AP5M1: variants seen among roughly 807,000 people sequenced by gnomAD.
The protein encoded by AP5M1 is AP-5 complex subunit mu-1.
Under a neutral mutation model 52.3 loss-of-function variants are expected in AP5M1, and 44 were observed. The observed-to-expected ratio is 0.84, with a 90% CI of 0.66 to 1.08. The LOEUF (loss-of-function observed/expected upper bound fraction) is 1.08. AP5M1 is among the 50% of genes least tolerant of loss of function. The pLI is 0.00. For missense variants in AP5M1, 526 were observed against 568.4 expected (o/e 0.93, Z 0.76); for synonymous variants, 213 against 199.0 (o/e 1.07, Z -0.59).
At chr14:57,273,558 A>G (rs1884944046) in intron 1 of AP5M1, 2 of 524,916 alleles carry the variant, frequency 3.8e-6, no homozygotes, top group Non-Finnish European at 6.8e-6. Flanking sequence ...TCTGTTTCCA[A>G]GCAAAGAAAA....
chr14:57,288,866 T>C lies in AP5M1; in HGVS notation c.1455T>C (p.Tyr485=). The change falls in exon 8 of 8, where the codon TAT becomes TAC. Residue 485 remains tyrosine (Y), a synonymous_variant. Coordinates refer to ENST00000261558, the MANE Select transcript of AP5M1 (RefSeq NM_018229.4). ...WNSKAPAPVT[Y]GSLLL ...CTAAAGCCCCTGCTCCAGTAACATA[T>C]GGATCATTATTATTGTAATAGTCTC... is the stretch of plus-strand genomic sequence containing the variant. 6.4e-7 allele frequency: 1 copy of C among 1,556,568 alleles called. No individual in the cohort carries two copies. Among genetic ancestry groups the C allele is most frequent in the Admixed American group, 1.7e-5 (1 of 58,232 alleles).
Position 57,292,343 on chromosome 14 carries a change from G to C in AP5M1, c.*3459G>C, listed in dbSNP as rs1226958880. Reference sequence around the variant, plus strand: ...TCTAGGGTATTTCACTTAACTACCAGTTACCTCGTTCTGACAAAGTGCAAC... The same window carrying C: ...TCTAGGGTATTTCACTTAACTACCACTTACCTCGTTCTGACAAAGTGCAAC... On this transcript the variant is annotated 3_prime_UTR_variant, in exon 8 of 8. Transcript: ENST00000261558. The C allele has an allele frequency of 1.3e-5, 2 of 151,780 alleles. No homozygotes were observed. The highest frequency in any genetic ancestry group is 2.9e-5 in the Non-Finnish European group (2 of 67,812). 9.4% of individuals were successfully genotyped at this position (151,780 alleles called of 1,614,324 possible).
intron 6 of AP5M1, among the ~76,000 whole-genome samples, chr14:57,285,164 G>A (rs879399045): frequency 1.2e-4 from 19 of 152,160 alleles, no homozygotes; most frequent in Admixed American, 1.2e-3. Flanking sequence ...GGAAGTGGTA[G>A]TGAAGTCAGA....
Position 57,274,525 on chromosome 14 carries a change from G to C in AP5M1, c.356G>C (p.Arg119Pro), listed in dbSNP as rs767086450. The C allele has an allele frequency of 1.2e-5, 20 of 1,613,926 alleles. No homozygotes were observed. Among genetic ancestry groups the C allele is most frequent in the Middle Eastern group, 1.6e-4 (1 of 6,084 alleles). ...VPLVEQTLSPRPPLISVSGVS... is the reference protein window; with the variant it reads ...VPLVEQTLSPPPPLISVSGVS... ...CTAGTTGAACAAACTCTGTCCCCTC[G>C]TCCGCCACTAATTAGTGTCAGTGGA... Residue 119 changes from arginine to proline, a missense_variant, in exon 2 of 8, where the codon CGT becomes CCT. Around this residue, in one of 3 missense-constraint regions of AP5M1, gnomAD observed 425 missense variants for 430.6 expected, o/e 0.99. Transcript: ENST00000261558.
chr14:57,287,456 C>T (rs1378656363), intron 7 of AP5M1, among the ~76,000 whole-genome samples: 1 of 152,036 alleles, frequency 6.6e-6, no homozygotes, highest in African/African-American at 2.4e-5. Flanking sequence ...TTTTCTCTTA[C>T]ATCATTTTTT....
At chr14:57,272,406 GT>G (rs1427199116) in intron 1 of AP5M1, among the ~76,000 whole-genome samples, 1 of 152,120 alleles carries the variant, frequency 6.6e-6, no homozygotes, top group Non-Finnish European at 1.5e-5. Context: ...ACAAAACTTG[GT>G]TAAGATTCTG....
At position 57,298,283 on chromosome 14, in the gene AP5M1, G is replaced by A. The variant is rs999887196; in HGVS notation, c.*9399G>A. ...CCCCGTATACTAATGAAATGGAGTC[G>A]CCAGTATCCAAAAGTTCCAAGTGAT... is the stretch of plus-strand genomic sequence containing the variant. On this transcript the variant is annotated 3_prime_UTR_variant, in exon 8 of 8. Transcript: ENST00000261558. 5.9e-5 allele frequency: 9 copies of A among 152,152 alleles called. No homozygotes were observed. Among genetic ancestry groups the A allele is most frequent in the South Asian group, 2.1e-4 (1 of 4,822 alleles). 9.4% of individuals were successfully genotyped at this position (152,152 alleles called of 1,614,324 possible). A position where few individuals can be genotyped will look rare whatever the true frequency, so the allele number is the denominator to read the frequency against.
rs1481239590 is a variant in AP5M1, at chr14:57,294,099, CT to C, written c.*5217del. ...TGTATCTGTATCACTAGCTTCTTGC[CT>C]TATAAGCAGGATACTGCAAGGTCTG... On this transcript the variant is annotated 3_prime_UTR_variant, in exon 8 of 8. Coordinates refer to ENST00000261558, the MANE Select transcript of AP5M1 (RefSeq NM_018229.4). 6.6e-6 allele frequency: 1 copy of C among 151,754 alleles called. No homozygotes were observed. Among genetic ancestry groups the C allele is most frequent in the East Asian group, 1.9e-4 (1 of 5,180 alleles). 9.4% of individuals were successfully genotyped at this position (151,754 alleles called of 1,614,324 possible).
intron 1 of AP5M1, among the ~76,000 whole-genome samples, chr14:57,271,824 G>A (rs1410353028): frequency 6.6e-5 from 10 of 152,110 alleles, no homozygotes; most frequent in Admixed American, 6.5e-4. Flanking sequence ...TCCATCTTTG[G>A]ATATGATGTT....
intron 2 of AP5M1, among the ~76,000 whole-genome samples, chr14:57,277,680 G>A (rs983487933): frequency 7.0e-6 from 1 of 143,222 alleles, no homozygotes; most frequent in African/African-American, 2.9e-5. Context: ...GATACATAAT[G>A]AATTCCCACA....
In AP5M1 at chr14:57,269,094, G is replaced by C. The variant is rs1236193582; in HGVS notation, c.-221G>C. ...GGTAAATTTCTCAAGGTTATAGGTTGGGGTTCTTAGAACTTTTTGTGGTGT... is the reference window on the plus strand; with the variant it reads ...GGTAAATTTCTCAAGGTTATAGGTTCGGGTTCTTAGAACTTTTTGTGGTGT... On this transcript the variant is annotated 5_prime_UTR_variant, in exon 1 of 8. Coordinates refer to ENST00000261558, the MANE Select transcript of AP5M1 (RefSeq NM_018229.4). 1 of 581,298 alleles carries C rather than the reference G, an allele frequency of 1.7e-6. No individual in the cohort carries two copies. The highest frequency in any genetic ancestry group is 2.9e-5 in the East Asian group (1 of 34,852). 36.0% of individuals were successfully genotyped at this position (581,298 alleles called of 1,614,324 possible).
In AP5M1 at chr14:57,283,003, A is replaced by G. The variant is rs1885220031; in HGVS notation, c.1158A>G (p.Leu386=). The G allele has an allele frequency of 6.3e-7, 1 of 1,598,502 alleles. No individual in the cohort carries two copies. The highest frequency in any genetic ancestry group is 2.2e-5 in the East Asian group (1 of 44,574). Residue 386 remains leucine, a synonymous_variant, in exon 5 of 8, where the codon TTA becomes TTG. Coordinates refer to ENST00000261558, the MANE Select transcript of AP5M1 (RefSeq NM_018229.4). ...TTGAAGTATTTCGAGAGAAAAGCTT[A>G]TTGATCTGGATTATTGGTGAGCAAG... ...GQLEVFREKS[L]LIWIIGQKFP...
Position 57,274,298 on chromosome 14 carries a change from GCCTGTT to G in AP5M1, c.134_139del (p.Val45_Pro46del). ...GAGTCTTCAATGGAGCAAGTTATGTGCCTGTTCCTGAAGATGGTCCCTTTCTTAAAG... is the reference window on the plus strand; with the variant it reads ...GAGTCTTCAATGGAGCAAGTTATGTGCCTGAAGATGGTCCCTTTCTTAAAG... On this transcript the variant is annotated inframe_deletion, in exon 2 of 8. Coordinates refer to ENST00000261558, the MANE Select transcript of AP5M1 (RefSeq NM_018229.4). 6.2e-7 allele frequency: 1 copy of G among 1,614,140 alleles called. No individual in the cohort carries two copies. Among genetic ancestry groups the G allele is most frequent in the Non-Finnish European group, 8.5e-7 (1 of 1,180,020 alleles).
chr14:57,273,105 A>G (rs1228793965), intron 1 of AP5M1, among the ~76,000 whole-genome samples: 2 of 151,706 alleles, frequency 1.3e-5, no homozygotes, highest in Non-Finnish European at 2.9e-5. Flanking sequence ...ACAACCAGCT[A>G]ATTTGTGTAT....
rs761857810 is a variant in AP5M1, at chr14:57,274,307, T to C, written c.138T>C (p.Pro46=). 7 of 1,614,200 alleles carry C rather than the reference T, an allele frequency of 4.3e-6. No individual in the cohort carries two copies. The East Asian group carries it at 1.6e-4, about 36-fold the overall frequency. Residue 46 remains proline, a synonymous_variant, in exon 2 of 8, where the codon CCT becomes CCC. Coordinates refer to ENST00000261558, the MANE Select transcript of AP5M1 (RefSeq NM_018229.4). The part of the protein sequence containing the change: ...VFNGASYVPV[P]EDGPFLKALL... ...ATGGAGCAAGTTATGTGCCTGTTCC[T>C]GAAGATGGTCCCTTTCTTAAAGCAC...
rs776791379 is a variant in AP5M1, at chr14:57,282,353, G to A, written c.1088+125G>A. On this transcript the variant is annotated intron_variant, in intron 4 of 7. Transcript: ENST00000261558. ...CTGAACAATTTTATTTTATTTAAAT[G>A]AATGCTGATTTTCATGATATAGTCA... is the stretch of plus-strand genomic sequence containing the variant. 47 of 658,290 alleles carry A rather than the reference G, an allele frequency of 7.1e-5. No individual in the cohort carries two copies. In the Admixed American group the frequency reaches 1.4e-3, roughly 20 times the overall value. 40.8% of individuals were successfully genotyped at this position (658,290 alleles called of 1,614,324 possible). A position where few individuals can be genotyped will look rare whatever the true frequency, so the allele number is the denominator to read the frequency against.
At chr14:57,287,273 G>C (rs575847257) in intron 7 of AP5M1, among the ~76,000 whole-genome samples, 15 of 151,974 alleles carry the variant, frequency 9.9e-5, no homozygotes, top group Admixed American at 2.0e-4. Context: ...CTAAGGATTA[G>C]GGTTCCTAAA....
At chr14:57,273,917 C>G (rs1425498618) in intron 1 of AP5M1, among the ~76,000 whole-genome samples, 1 of 152,126 alleles carries the variant, frequency 6.6e-6, no homozygotes, top group Non-Finnish European at 1.5e-5. Flanking sequence ...AGTATATACT[C>G]CTTGCTGACC....
At chr14:57,270,024 A>G (rs376984665) in intron 1 of AP5M1, among the ~76,000 whole-genome samples, 95 of 152,192 alleles carry the variant, frequency 6.2e-4, no homozygotes, top group African/African-American at 2.0e-3. Context: ...TAGCCAGGAT[A>G]GTCTTGATCT....
Sources: gnomAD v4.1 joint callset for allele counts (sites outside exome capture counted in the v4.1 genomes callset) on GRCh38, gnomAD v4.1.1 for gene constraint, gnomAD v4.1.1 regional missense constraint, MANE v1.5 for transcripts, NCBI Gene and HGNC (gene_info 2026-07-23, HGNC 2026-07-21) for gene names.